ABCA13: variants seen among roughly 807,000 people sequenced by gnomAD.
ABCA13 encodes the protein ATP-binding cassette sub-family A member 13.
ABCA13 carries 476 observed loss-of-function variants against 478.7 expected under a neutral mutation model. The observed-to-expected ratio is 0.99, with a 90% confidence interval of 0.92 to 1.07. The LOEUF is 1.07. Ranked by LOEUF, ABCA13 falls within the 50% of genes least tolerant of loss-of-function variation. The pLI is 0.00. For synonymous variants in ABCA13, 2,252 were observed against 2,158.9 expected (o/e 1.04, Z -1.20); for missense variants, 6,060 against 5,910.6 (o/e 1.03, Z -0.83).
rs559710686 is a variant in ABCA13 at position 48,227,551 on chromosome 7, C to T, written c.632+126C>T. The T allele has an allele frequency of 2.6e-6, 3 of 1,154,842 alleles. 1 individual carries two copies. The South Asian group carries it at 4.8e-5, about 18-fold the overall frequency. The allele number at this position is 1,154,842 out of a possible 1,614,324, so 71.5% of individuals were successfully genotyped here. On this transcript the variant is annotated intron_variant, in intron 6 of 61. Transcript: ENST00000435803. ...ACCTCACAATAATGTTACCTTGAAACAAGAGGAGCTTCTGCACCTCCACGA... is the reference window on the plus strand; with the variant it reads ...ACCTCACAATAATGTTACCTTGAAATAAGAGGAGCTTCTGCACCTCCACGA...
At chr7:48,298,220 TA>T in intron 22 of ABCA13, 145 bp from the exon 23 acceptor site, 1 of 685,204 alleles carries the variant, frequency 1.5e-6, no homozygotes, top group Non-Finnish European at 2.3e-6. Flanking sequence ...CCCAGGGGAG[TA>T]AGGTATGACT....
chr7:48,322,025 A>G (rs1045593072), intron 27 of ABCA13, among the ~76,000 whole-genome samples: 1 of 152,206 alleles, frequency 6.6e-6, no homozygotes, highest in Non-Finnish European at 1.5e-5. Flanking sequence ...TCAGCAGGCA[A>G]TTTTGAGACT....
At chr7:48,555,020 T>G (rs554582511) in intron 55 of ABCA13, among the ~76,000 whole-genome samples, 8 of 151,746 alleles carry the variant, frequency 5.3e-5, no homozygotes, top group African/African-American at 1.9e-4. Context: ...GTTCCCCAGT[T>G]TTTTGAGGGT....
chr7:48,230,024 A>G (rs553080181), intron 7 of ABCA13, 69 bp downstream of exon 7: 158 of 1,502,242 alleles, frequency 1.1e-4, no homozygotes, highest in Admixed American at 8.3e-4. Context: ...GACAGTTGAC[A>G]TAGAGCTAAA....
chr7:48,532,673 A>G (rs556322917), intron 55 of ABCA13, among the ~76,000 whole-genome samples: 3 of 152,028 alleles, frequency 2.0e-5, no homozygotes, highest in East Asian at 1.9e-4. Flanking sequence ...TATCATTTCA[A>G]TCTTGCTGCT....
rs1443528080 is a variant in ABCA13, at chr7:48,341,918, TATATATATACTC to T, written c.10204+3473_10204+3484del. Reference sequence around the variant, plus strand: ...TATCTTTCTGATATATATATACTCATATATATATACTCATATATATATATTCATATATATATA... The same window carrying T: ...TATCTTTCTGATATATATATACTCATATATATATATATTCATATATATATA... On this transcript the variant is annotated intron_variant, in intron 29 of 61. Coordinates refer to ENST00000435803, the MANE Select transcript of ABCA13 (RefSeq NM_152701.5). Among the ~76,000 whole-genome samples, 32 of 146,408 alleles carry T rather than the reference TATATATATACTC, an allele frequency of 2.2e-4. No homozygotes were observed. In the East Asian group the frequency reaches 6.4e-3, roughly 29 times the overall value.
At chr7:48,266,242 A>G (rs1464155525) in intron 15 of ABCA13, among the ~76,000 whole-genome samples, 1 of 151,640 alleles carries the variant, frequency 6.6e-6, no homozygotes, top group Non-Finnish European at 1.5e-5. Context: ...TCTTTTTAAA[A>G]TTTGTCTTTG....
chr7:48,196,513 C>T (rs1278382572), intron 2 of ABCA13, among the ~76,000 whole-genome samples: 1 of 152,164 alleles, frequency 6.6e-6, no homozygotes, highest in African/African-American at 2.4e-5. Flanking sequence ...CCCCTGGCTC[C>T]CAGGGCTGCT....
Position 48,273,654 on chromosome 7 carries a change from G to A in ABCA13, c.3988G>A (p.Ala1330Thr). 2.5e-6 allele frequency: 4 copies of A among 1,607,122 alleles called. No homozygotes were observed. The highest frequency in any genetic ancestry group is 3.4e-6 in the Non-Finnish European group (4 of 1,176,204). Reference sequence around the variant, plus strand: ...AAATATCATCACTGAGCTAAGAGAAGCAATAGTATTTCTTAGAAATGTATC... The same window carrying A: ...AAATATCATCACTGAGCTAAGAGAAACAATAGTATTTCTTAGAAATGTATC... ...FENIITELREAIVFLRNVSHD... is the reference protein window; with the variant it reads ...FENIITELRETIVFLRNVSHD... Residue 1330 changes from alanine (A) to threonine (T), a missense_variant, in exon 17 of 62, where the codon GCA (alanine) becomes ACA (threonine). Physicochemically the swap from Ala to Thr is moderately conservative, Grantham distance 58. Transcript: ENST00000435803.
intron 23 of ABCA13, among the ~76,000 whole-genome samples, chr7:48,307,765 C>T (rs974361463): frequency 1.3e-5 from 2 of 152,092 alleles, no homozygotes; most frequent in African/African-American, 2.4e-5. Flanking sequence ...ACTGTGAGCT[C>T]CACCTCCTTG....
At chr7:48,327,077 G>A (rs1804445971) in intron 27 of ABCA13, among the ~76,000 whole-genome samples, 1 of 152,286 alleles carries the variant, frequency 6.6e-6, no homozygotes, top group East Asian at 1.9e-4. Flanking sequence ...CTTCTGTAAG[G>A]TTAGAGGAAC....
chr7:48,247,247 G>T (rs1020504735), intron 13 of ABCA13, among the ~76,000 whole-genome samples: 2 of 151,788 alleles, frequency 1.3e-5, no homozygotes, highest in Non-Finnish European at 2.9e-5. Flanking sequence ...AAAAAATAAA[G>T]AAAAGAAAAT....
intron 26 of ABCA13, 66 bp downstream of exon 26, chr7:48,314,475 T>G: frequency 7.4e-7 from 1 of 1,347,410 alleles, no homozygotes; most frequent in Non-Finnish European, 1.0e-6. Flanking sequence ...TGGCCTTAAA[T>G]TATAGTAAGT....
rs763322099 is a variant in ABCA13, at chr7:48,412,424, A to G, written c.12300A>G (p.Pro4100=). The change falls in exon 41 of 62, where the codon CCA becomes CCG. Residue 4100 remains proline (P), a synonymous_variant. Coordinates refer to ENST00000435803, the MANE Select transcript of ABCA13 (RefSeq NM_152701.5). ...CVTSLIKIYI[P]QAFLKDSSGS... is the part of the protein sequence containing the mutation. ...CATCCCTGATAAAGATCTATATTCC[A>G]CAAGCATTTCTCAAAGACAGCAGTG... 1 of 1,613,382 alleles carries G rather than the reference A, an allele frequency of 6.2e-7. No individual in the cohort carries two copies. Among genetic ancestry groups the G allele is most frequent in the East Asian group, 2.2e-5 (1 of 44,800 alleles).
chr7:48,517,355 C>T (rs369126971), intron 52 of ABCA13, among the ~76,000 whole-genome samples: 6 of 152,062 alleles, frequency 3.9e-5, no homozygotes, highest in Admixed American at 3.9e-4. Flanking sequence ...GGGATTCTAC[C>T]CTCTTCTCTG....
chr7:48,603,493 G>A (rs1284446591), intron 58 of ABCA13, among the ~76,000 whole-genome samples: 1 of 152,080 alleles, frequency 6.6e-6, no homozygotes, highest in African/African-American at 2.4e-5. Context: ...TAATCATGTG[G>A]TTTTCGTCGT....
At chr7:48,637,669 T>A (rs1279112456) in intron 59 of ABCA13, among the ~76,000 whole-genome samples, 1 of 152,234 alleles carries the variant, frequency 6.6e-6, no homozygotes, top group East Asian at 1.9e-4. Context: ...GTTTAGCTGG[T>A]GACAATGATA....
Position 48,272,492 on chromosome 7 carries a change from T to A in ABCA13, c.2826T>A (p.Asp942Glu), listed in dbSNP as rs909993401. 1 of 1,613,786 alleles carries A rather than the reference T, an allele frequency of 6.2e-7. No individual in the cohort carries two copies. The highest frequency in any genetic ancestry group is 8.5e-7 in the Non-Finnish European group (1 of 1,179,758). Reference protein sequence around the residue: ...ALSEPQKQEVDKILTHIHLNV... With the variant: ...ALSEPQKQEVEKILTHIHLNV... ...CTGAACCACAAAAACAAGAAGTTGA[T>A]AAAATTTTGACTCACATACACCTAA... The change falls in exon 17 of 62, where the codon GAT becomes GAA. Residue 942 changes from aspartate to glutamate, a missense_variant. Physicochemically the swap from Asp to Glu is conservative, Grantham distance 45. Coordinates refer to ENST00000435803, the MANE Select transcript of ABCA13 (RefSeq NM_152701.5).
intron 27 of ABCA13, among the ~76,000 whole-genome samples, chr7:48,320,530 C>A (rs1045837613): frequency 3.9e-5 from 6 of 152,132 alleles, no homozygotes; most frequent in Non-Finnish European, 7.3e-5. Context: ...CAAGAGATTC[C>A]AATGTATTAG....
Sources: gnomAD v4.1 joint callset for allele counts (sites outside exome capture counted in the v4.1 genomes callset) on GRCh38, gnomAD v4.1.1 for gene constraint, MANE v1.5 for transcripts, NCBI Gene and HGNC (gene_info 2026-07-23, HGNC 2026-07-21) for gene names.